The following HSD17B12 variants were observed in gnomAD, a reference collection of about 807,000 sequenced individuals.
HSD17B12 encodes the protein hydroxysteroid 17-beta dehydrogenase 12.
A neutral mutation model predicts 39.3 loss-of-function variants in HSD17B12; 32 were observed. The ratio of observed to expected loss-of-function variants is 0.81; its 90% CI spans 0.61 to 1.09. HSD17B12 has a LOEUF of 1.09. Ranked by LOEUF, HSD17B12 falls within the 50% of genes least tolerant of loss-of-function variation. HSD17B12 has a pLI of 0.00. For synonymous variants in HSD17B12, 150 were observed against 146.7 expected (o/e 1.02, Z -0.16); for missense variants, 342 against 382.9 (o/e 0.89, Z 0.89).
chr11:43,619,243 A>AAATATATATATATTTTTATATATATAT, the HSD17B12 span, among the ~76,000 whole-genome samples: 1 of 11,774 alleles, frequency 8.5e-5, no homozygotes, highest in African/African-American at 1.3e-4. Flanking sequence ...ATATATATAT[A>AAATATATATATATTTTTATATATATAT]AAATATATAT....
At chr11:43,568,420 T>C in the HSD17B12 span, among the ~76,000 whole-genome samples, 1 of 152,056 alleles carries the variant, frequency 6.6e-6, no homozygotes, top group Non-Finnish European at 1.5e-5. Flanking sequence ...TGTTTGTTTT[T>C]TTTTTAATTC....
intron 3 of HSD17B12, among the ~76,000 whole-genome samples, chr11:43,777,198 G>A (rs901021706): frequency 6.6e-6 from 1 of 151,766 alleles, no homozygotes; most frequent in East Asian, 1.9e-4. Context: ...GCCTTGGGCA[G>A]TATGGCCATT....
At chr11:43,705,212 T>C (rs534083823) in intron 1 of HSD17B12, among the ~76,000 whole-genome samples, 1 of 152,248 alleles carries the variant, frequency 6.6e-6, no homozygotes, top group Non-Finnish European at 1.5e-5. Context: ...CATTCCTGAT[T>C]ATGCTGGTTA....
At chr11:43,796,518 A>G (rs563660281) in intron 3 of HSD17B12, among the ~76,000 whole-genome samples, 1 of 152,346 alleles carries the variant, frequency 6.6e-6, no homozygotes, top group African/African-American at 2.4e-5. Flanking sequence ...GCTTATGCTA[A>G]TGTGAATACA....
At chr11:43,723,002 G>C (rs1257081672) in intron 1 of HSD17B12, among the ~76,000 whole-genome samples, 4 of 152,020 alleles carry the variant, frequency 2.6e-5, no homozygotes, top group Admixed American at 1.3e-4. Flanking sequence ...GAAGCAGAAT[G>C]GTCATTTAAA....
chr11:43,624,956 G>C, the HSD17B12 span, among the ~76,000 whole-genome samples: 1 of 151,706 alleles, frequency 6.6e-6, no homozygotes, highest in Admixed American at 6.6e-5. Flanking sequence ...AGGGAGCTTA[G>C]AATTTATCTC....
intron 7 of HSD17B12, among the ~76,000 whole-genome samples, chr11:43,834,335 A>G (rs1366435974): frequency 6.6e-6 from 1 of 151,366 alleles, no homozygotes; most frequent in African/African-American, 2.4e-5. Context: ...GTACTCCTTG[A>G]TATGAAGTGG....
At chr11:43,660,846 C>T in the HSD17B12 span, among the ~76,000 whole-genome samples, 46 of 152,264 alleles carry the variant, frequency 3.0e-4, no homozygotes, top group African/African-American at 3.1e-4. Context: ...ACAGACTGGC[C>T]GGGTTCTCTG....
the HSD17B12 span, among the ~76,000 whole-genome samples, chr11:43,651,781 G>A: frequency 6.6e-6 from 1 of 152,122 alleles, no homozygotes; most frequent in Non-Finnish European, 1.5e-5. Flanking sequence ...GTTTCACCAC[G>A]TTGGCCAGGC....
chr11:43,587,610 G>A, the HSD17B12 span, among the ~76,000 whole-genome samples: 323 of 152,316 alleles, frequency 2.1e-3, 1 homozygote, highest in Non-Finnish European at 3.7e-3. Context: ...ACAGCAGCTC[G>A]TAACTGAGAG....
intron 4 of HSD17B12, among the ~76,000 whole-genome samples, chr11:43,815,140 T>A (rs896993948): frequency 1.3e-5 from 2 of 152,070 alleles, no homozygotes; most frequent in Non-Finnish European, 2.9e-5. Context: ...CAAATAACAG[T>A]ATGATAGAGG....
chr11:43,707,613 A>G (rs1950027755), intron 1 of HSD17B12, among the ~76,000 whole-genome samples: 1 of 152,256 alleles, frequency 6.6e-6, no homozygotes, highest in Non-Finnish European at 1.5e-5. Flanking sequence ...TCCCTCTTCT[A>G]TTAGAAGTGC....
chr11:43,763,336 A>G (rs919592446), intron 3 of HSD17B12, among the ~76,000 whole-genome samples: 2 of 152,096 alleles, frequency 1.3e-5, no homozygotes, highest in African/African-American at 4.8e-5. Flanking sequence ...TTTGTTCGAA[A>G]ATCATTCAAC....
At chr11:43,782,908 A>G (rs748600177) in intron 3 of HSD17B12, among the ~76,000 whole-genome samples, 77 of 152,226 alleles carry the variant, frequency 5.1e-4, no homozygotes, top group Non-Finnish European at 8.8e-4. Context: ...GGGACAAATC[A>G]AAATGATGTG....
At position 43,815,489 on chromosome 11, in the gene HSD17B12, T is replaced by C; in HGVS notation, c.444T>C (p.Pro148=). ...ATCCTGAATACTTTTTGGATGTTCC[T>C]GACTTGGACAATGTAAGTCTTTCTT... is the stretch of plus-strand genomic sequence containing the variant. ...YEYPEYFLDV[P]DLDNVIKKMI... is the part of the protein sequence containing the mutation. Residue 148 remains proline (P), a synonymous_variant, in exon 5 of 11, where the codon CCT becomes CCC. Coordinates refer to ENST00000278353, the MANE Select transcript of HSD17B12 (RefSeq NM_016142.3). The C allele has an allele frequency of 6.4e-7, 1 of 1,571,088 alleles. No individual in the cohort carries two copies. The highest frequency in any genetic ancestry group is 8.7e-7 in the Non-Finnish European group (1 of 1,149,750).
intron 1 of HSD17B12, among the ~76,000 whole-genome samples, chr11:43,685,534 A>T (rs1053391310): frequency 3.2e-4 from 48 of 152,246 alleles, no homozygotes; most frequent in African/African-American, 1.1e-3. Context: ...GGGTGCTTGA[A>T]ATGTGCCAGG....
chr11:43,699,653 C>A (rs1949944884), intron 1 of HSD17B12, among the ~76,000 whole-genome samples: 1 of 151,716 alleles, frequency 6.6e-6, no homozygotes, highest in Admixed American at 6.6e-5. Flanking sequence ...CTCTTGTGTT[C>A]CTATTTTAGT....
At chr11:43,652,267 A>G in the HSD17B12 span, among the ~76,000 whole-genome samples, 1 of 152,212 alleles carries the variant, frequency 6.6e-6, no homozygotes, top group East Asian at 1.9e-4. Flanking sequence ...TTTGGTTAAA[A>G]TAATCAAATT....
the HSD17B12 span, among the ~76,000 whole-genome samples, chr11:43,664,435 A>G: frequency 6.6e-6 from 1 of 152,158 alleles, no homozygotes; most frequent in African/African-American, 2.4e-5. Context: ...CAGGCCTCAG[A>G]GTTCATTCCT....
Sources: allele counts gnomAD v4.1 joint callset (sites outside exome capture counted in the v4.1 genomes callset), GRCh38; gene constraint gnomAD v4.1.1; transcripts MANE v1.5; gene names NCBI Gene and HGNC (gene_info 2026-07-23, HGNC 2026-07-21).